RORA: variants seen among roughly 807,000 people sequenced by gnomAD.
RORA encodes nuclear receptor ROR-alpha.
A neutral mutation model predicts 69.5 loss-of-function variants in RORA; 7 were observed. That is an observed-to-expected ratio of 0.10 (90% confidence interval 0.06 to 0.19). The LOEUF (loss-of-function observed/expected upper bound fraction) is 0.19. Ranked by LOEUF, RORA falls within the 10% of genes least tolerant of loss-of-function variation. The pLI, the probability that RORA is intolerant of heterozygous loss-of-function variation, is 1.00. For synonymous variants in RORA, 261 were observed against 240.8 expected, an observed-to-expected ratio of 1.08 and a Z score of -0.78; for missense variants, 457 against 663.0, an observed-to-expected ratio of 0.69 and a Z score of 3.41.
intron 1 of RORA, among the ~76,000 whole-genome samples, chr15:61,006,136 T>C (rs1024858531): frequency 1.3e-4 from 20 of 151,914 alleles, no homozygotes; most frequent in Non-Finnish European, 7.4e-5. Context: ...GCCCAGCTAA[T>C]TTTTGTATTT....
chr15:61,002,150 G>A (rs1286237054), intron 1 of RORA, among the ~76,000 whole-genome samples: 3 of 152,218 alleles, frequency 2.0e-5, no homozygotes, highest in African/African-American at 7.2e-5. Flanking sequence ...ATTAGTACCT[G>A]CATCTAGGAA....
chr15:60,499,491 T>C (rs1363068392), intron 10 of RORA, among the ~76,000 whole-genome samples: 1 of 152,218 alleles, frequency 6.6e-6, no homozygotes, highest in African/African-American at 2.4e-5. Flanking sequence ...AGAGCTATGA[T>C]TGTGCCACTT....
intron 2 of RORA, among the ~76,000 whole-genome samples, chr15:60,662,373 A>G (rs1292280474): frequency 6.6e-6 from 1 of 152,240 alleles, no homozygotes; most frequent in Admixed American, 6.5e-5. Flanking sequence ...ATTATTAGAC[A>G]GTAGCAAACT....
chr15:60,787,400 AT>A (rs1237776846), intron 1 of RORA, among the ~76,000 whole-genome samples: 1 of 152,130 alleles, frequency 6.6e-6, no homozygotes, highest in Non-Finnish European at 1.5e-5. Context: ...TCTTCACAAC[AT>A]TTCCCCTGCA....
rs1416646086 is a variant in RORA, at chr15:60,489,940, G to A, written c.*7515C>T. ...TTCAGCTTAGGAGATATGCTGTAAA[G>A]CCAAGTAGCAAACATAAAGTAAATG... On this transcript the variant is annotated 3_prime_UTR_variant, in exon 11 of 11. Coordinates refer to ENST00000335670, the MANE Select transcript of RORA (RefSeq NM_134261.3). 1 of 152,030 alleles carries A rather than the reference G, an allele frequency of 6.6e-6. No homozygotes were observed. Among genetic ancestry groups the A allele is most frequent in the East Asian group, 1.9e-4 (1 of 5,202 alleles). The allele number at this position is 152,030 out of a possible 1,614,324, so 9.4% of individuals were successfully genotyped here.
chr15:60,646,339 C>G (rs1162389988), intron 2 of RORA, among the ~76,000 whole-genome samples: 52 of 152,168 alleles, frequency 3.4e-4, no homozygotes, highest in Non-Finnish European at 8.8e-5. Flanking sequence ...TTCCCTGATT[C>G]CCCAGGGAGG....
chr15:60,948,398 T>C (rs1892968245), intron 1 of RORA, among the ~76,000 whole-genome samples: 1 of 152,194 alleles, frequency 6.6e-6, no homozygotes, highest in African/African-American at 2.4e-5. Context: ...CATTTACAAA[T>C]GAGTTATAGA....
chr15:61,073,006 CACCAAAA>C (rs2140614870), intron 1 of RORA, among the ~76,000 whole-genome samples: 1 of 152,292 alleles, frequency 6.6e-6, no homozygotes, highest in Non-Finnish European at 1.5e-5. Flanking sequence ...GGTAGTTTTG[CACCAAAA>C]GAAGACTTTG....
At chr15:60,847,015 G>C (rs997615727) in intron 1 of RORA, among the ~76,000 whole-genome samples, 1 of 152,052 alleles carries the variant, frequency 6.6e-6, no homozygotes, top group Non-Finnish European at 1.5e-5. Flanking sequence ...TTAATATCAG[G>C]GTCACAGCAA....
chr15:60,527,978 G>A (rs2141429484), intron 3 of RORA: 1 of 152,420 alleles, frequency 6.6e-6, no homozygotes, highest in East Asian at 1.9e-4. Context: ...GCCCACGGTT[G>A]GTTCCTCCTC....
intron 1 of RORA, among the ~76,000 whole-genome samples, chr15:60,868,007 T>C (rs1211148194): frequency 3.9e-5 from 6 of 152,224 alleles, no homozygotes; most frequent in Non-Finnish European, 8.8e-5. Context: ...ATTTTGCCAT[T>C]GTTATATATC....
At chr15:60,601,512 A>G (rs1441531250) in intron 2 of RORA, among the ~76,000 whole-genome samples, 2 of 152,208 alleles carry the variant, frequency 1.3e-5, no homozygotes, top group African/African-American at 4.8e-5. Flanking sequence ...AAAAATACAC[A>G]AATCAAAGCT....
At chr15:60,802,950 TC>T (rs1253008248) in intron 1 of RORA, among the ~76,000 whole-genome samples, 3 of 144,010 alleles carry the variant, frequency 2.1e-5, no homozygotes, top group Non-Finnish European at 4.6e-5. Flanking sequence ...ATGTTTTGTT[TC>T]TTTTTTAAAA....
chr15:61,088,817 C>G (rs2078662502), intron 1 of RORA, among the ~76,000 whole-genome samples: 1 of 152,176 alleles, frequency 6.6e-6, no homozygotes, highest in Non-Finnish European at 1.5e-5. Flanking sequence ...CCTCCATCAT[C>G]ACTGAATAAT....
intron 1 of RORA, among the ~76,000 whole-genome samples, chr15:61,065,799 T>C (rs2078249273): frequency 6.6e-6 from 1 of 152,202 alleles, no homozygotes; most frequent in African/African-American, 2.4e-5. Flanking sequence ...CAAGACCTTG[T>C]TTCCATTGCA....
intron 2 of RORA, among the ~76,000 whole-genome samples, chr15:60,561,371 G>A (rs1349714926): frequency 2.0e-5 from 3 of 152,026 alleles, no homozygotes; most frequent in South Asian, 4.2e-4. Context: ...GTGAGCCACC[G>A]CGCCTGGCCA....
intron 2 of RORA, among the ~76,000 whole-genome samples, chr15:60,621,695 T>C (rs151110161): frequency 1.2e-4 from 19 of 152,270 alleles, no homozygotes; most frequent in African/African-American, 4.3e-4. Context: ...ATTATGATCA[T>C]TGTACTGTGG....
At chr15:60,672,453 C>A (rs746590153) in intron 2 of RORA, among the ~76,000 whole-genome samples, 1 of 152,170 alleles carries the variant, frequency 6.6e-6, no homozygotes, top group Non-Finnish European at 1.5e-5. Flanking sequence ...AGTAGCAACA[C>A]CTACCTCACA....
chr15:60,780,398 TC>T (rs2072236341), intron 1 of RORA, among the ~76,000 whole-genome samples: 1 of 152,246 alleles, frequency 6.6e-6, no homozygotes, highest in South Asian at 2.1e-4. Context: ...ACAGTGAACA[TC>T]CGCATGTAAG....
Sources: gnomAD v4.1 joint callset for allele counts (sites outside exome capture counted in the v4.1 genomes callset) on GRCh38, gnomAD v4.1.1 for gene constraint, MANE v1.5 for transcripts, NCBI Gene and HGNC (gene_info 2026-07-23, HGNC 2026-07-21) for gene names.